Variants in LPIN1 observed in about 807,000 individuals in gnomAD.
LPIN1 encodes lipin 1.
In LPIN1, 71 loss-of-function variants were observed where a neutral mutation model predicts 107.5. The ratio of observed to expected loss-of-function variants is 0.66; its 90% CI spans 0.55 to 0.80. The LOEUF (loss-of-function observed/expected upper bound fraction) is 0.80, where lower values mean the gene tolerates loss of function less well. LPIN1 is among the 30% of genes least tolerant of loss of function. The pLI, the probability that LPIN1 is intolerant of heterozygous loss-of-function variation, is 0.00. For synonymous variants in LPIN1, 445 were observed against 452.6 expected (o/e 0.98, Z 0.21); for missense variants, 1,043 against 1,160.6 (o/e 0.90, Z 1.47).
At chr2:11,720,934 C>T (rs1464913991), upstream of LPIN1, among the ~76,000 whole-genome samples, 3 of 151,938 alleles carry the variant, frequency 2.0e-5, no homozygotes, top group African/African-American at 7.3e-5. Context: ...AATGTTAGGA[C>T]AGGGCGAGTC....
upstream of LPIN1, among the ~76,000 whole-genome samples, chr2:11,721,428 G>A (rs1664138562): frequency 6.6e-6 from 1 of 152,062 alleles, no homozygotes; most frequent in African/African-American, 2.4e-5. Flanking sequence ...TCACTGTCCA[G>A]TGTAAGGACC....
rs896305952 is a variant in LPIN1, at chr2:11,803,671, C to G, written c.2013+638C>G. On this transcript the variant is annotated intron_variant, in intron 15 of 20. Coordinates refer to ENST00000674199, the MANE Select transcript of LPIN1 (RefSeq NM_001349206.2). This position sits in a 1 kb window ranked among gnomAD's most constrained non-coding sequence, Gnocchi z 4.2. ...TTACTAGGAAAAGATAAGGAAGAGG[C>G]CCAGACACCCACTCAGGCCATGTGT... Among the ~76,000 whole-genome samples, 2 of 152,070 alleles carry G rather than the reference C, an allele frequency of 1.3e-5. No individual in the cohort carries two copies. Among genetic ancestry groups the G allele is most frequent in the Admixed American group, 1.3e-4 (2 of 15,264 alleles).
intron 1 of LPIN1, among the ~76,000 whole-genome samples, chr2:11,705,079 C>T (rs1339557664): frequency 6.6e-6 from 1 of 152,192 alleles, no homozygotes. Flanking sequence ...GAGATCAATA[C>T]CACCTTCATC....
intron 14 of LPIN1, among the ~76,000 whole-genome samples, chr2:11,797,718 G>A (rs374900196): frequency 6.6e-6 from 1 of 152,212 alleles, no homozygotes; most frequent in Non-Finnish European, 1.5e-5. Flanking sequence ...ACTTGCTTTT[G>A]ATTTTACTGG....
chr2:11,801,181 T>C (rs891616040), intron 14 of LPIN1, among the ~76,000 whole-genome samples: 1 of 152,208 alleles, frequency 6.6e-6, no homozygotes, highest in African/African-American at 2.4e-5. Flanking sequence ...ACAGCTATTA[T>C]GGAAAACAGT....
At chr2:11,810,385 GA>G (rs143882790) in intron 17 of LPIN1, among the ~76,000 whole-genome samples, 18,337 of 152,182 alleles carry the variant, frequency 0.12, 1,491 homozygotes, top group Middle Eastern at 0.2. Flanking sequence ...AAGTAGGAGC[GA>G]GAGGGGAGGC....
In LPIN1 at chr2:11,803,020, C is replaced by T; in HGVS notation, c.2000C>T (p.Thr667Ile). 6.2e-7 allele frequency: 1 copy of T among 1,612,586 alleles called. No individual in the cohort carries two copies. The highest frequency in any genetic ancestry group is 8.5e-7 in the Non-Finnish European group (1 of 1,180,032). ...NVSYKKTLRL[T>I]SEQLKSLKLK... Reference sequence around the variant, plus strand: ...AGCTACAAGAAGACTCTCCGGCTGACTTCCGAGCAGCTTGTGAGTCTCCCA... The same window carrying T: ...AGCTACAAGAAGACTCTCCGGCTGATTTCCGAGCAGCTTGTGAGTCTCCCA... Residue 667 changes from threonine to isoleucine, a missense_variant, in exon 15 of 21, where the codon ACT (threonine) becomes ATT (isoleucine). Physicochemically the swap from Thr to Ile is moderately conservative, Grantham distance 89. Transcript: ENST00000674199. The surrounding 1 kb of genome is among the most constrained non-coding windows in gnomAD (Gnocchi z 4.2).
intron 7 of LPIN1, among the ~76,000 whole-genome samples, chr2:11,781,618 G>T (rs1403626308): frequency 6.6e-6 from 1 of 152,130 alleles, no homozygotes; most frequent in African/African-American, 2.4e-5. Context: ...CATGTTTTGG[G>T]AATAAACTTT....
At chr2:11,686,574 C>G (rs1295318107) in intron 1 of LPIN1, among the ~76,000 whole-genome samples, 1 of 152,076 alleles carries the variant, frequency 6.6e-6, no homozygotes, top group East Asian at 1.9e-4. Context: ...GGGTTGTCCT[C>G]GTTTAAAGGG....
At chr2:11,730,670 G>C (rs1032388396) in intron 1 of LPIN1, among the ~76,000 whole-genome samples, 1 of 152,110 alleles carries the variant, frequency 6.6e-6, no homozygotes, top group Non-Finnish European at 1.5e-5. Flanking sequence ...CTACGGGTAG[G>C]CTTTTGCTGT....
rs775695814 is a variant in LPIN1, at chr2:11,805,151, G to A, written c.2244G>A (p.Val748=). 1 of 1,612,840 alleles carries A rather than the reference G, an allele frequency of 6.2e-7. No individual in the cohort carries two copies. Among genetic ancestry groups the A allele is most frequent in the East Asian group, 2.2e-5 (1 of 44,878 alleles). The change falls in exon 17 of 21, where the codon GTG becomes GTA. Residue 748 remains valine (V), a synonymous_variant. Coordinates refer to ENST00000674199, the MANE Select transcript of LPIN1 (RefSeq NM_001349206.2). ...HQGIAKLYHK[V]SQNGYKFLYC... ...GCATCGCTAAGCTGTACCATAAAGT[G>A]AGCCAGTGAGTACAGAGTTCCTGTT...
chr2:11,760,805 T>C (rs1371580169), intron 1 of LPIN1, among the ~76,000 whole-genome samples: 1 of 152,188 alleles, frequency 6.6e-6, no homozygotes, highest in Non-Finnish European at 1.5e-5. Flanking sequence ...AGTTCGTAGA[T>C]GTGCTGGCCT....
chr2:11,721,261 T>TGC (rs1284724929), upstream of LPIN1, among the ~76,000 whole-genome samples: 46 of 127,862 alleles, frequency 3.6e-4, 1 homozygote, highest in African/African-American at 1.2e-3. Flanking sequence ...CTGTACTGCA[T>TGC]GCGTGTGTGT....
chr2:11,701,625 T>C (rs1009723390), intron 1 of LPIN1, among the ~76,000 whole-genome samples: 1 of 152,270 alleles, frequency 6.6e-6, no homozygotes, highest in African/African-American at 2.4e-5. Context: ...GTTTCTATAC[T>C]AAGTACTTTA....
At chr2:11,741,601 T>TA (rs1007087475), upstream of LPIN1, among the ~76,000 whole-genome samples, 55 of 151,694 alleles carry the variant, frequency 3.6e-4, no homozygotes, top group Middle Eastern at 3.4e-3. Flanking sequence ...CCTGTCTCTA[T>TA]AAAAAAATAC....
At chr2:11,699,949 T>A (rs1362791301) in intron 1 of LPIN1, among the ~76,000 whole-genome samples, 3 of 151,594 alleles carry the variant, frequency 2.0e-5, no homozygotes, top group African/African-American at 4.9e-5. Context: ...AAAAAAAAAA[T>A]GGGATGTAAT....
In LPIN1 at chr2:11,774,552, G is replaced by C. The variant is rs1672357472; in HGVS notation, c.722+807G>C. 6.6e-6 allele frequency among the ~76,000 whole-genome samples: 1 copy of C among 152,170 alleles called. No individual in the cohort carries two copies. The highest frequency in any genetic ancestry group is 1.5e-5 in the Non-Finnish European group (1 of 68,038). ...ATGTTGATAATGAAAAAGAGACTGA[G>C]AAACGCTGATCTAAATGCCAGTGAC... On this transcript the variant is annotated intron_variant, in intron 5 of 20. Transcript: ENST00000674199. This position sits in a 1 kb window ranked among gnomAD's most constrained non-coding sequence, Gnocchi z 4.4.
chr2:11,687,696 C>T (rs1662077841), intron 1 of LPIN1, among the ~76,000 whole-genome samples: 1 of 152,358 alleles, frequency 6.6e-6, no homozygotes, highest in Middle Eastern at 3.4e-3. Context: ...TAGGGCTGTC[C>T]ATAGACTGCG....
intron 1 of LPIN1, among the ~76,000 whole-genome samples, chr2:11,690,366 A>G (rs550344268): frequency 9.2e-5 from 14 of 152,350 alleles, no homozygotes; most frequent in African/African-American, 3.4e-4. Context: ...TTAAAAAAGC[A>G]TTAGTCTTCC....
Sources: gnomAD v4.1 joint callset for allele counts (sites outside exome capture counted in the v4.1 genomes callset) on GRCh38, gnomAD v4.1.1 for gene constraint, Gnocchi (gnomAD v3.1) non-coding constraint, MANE v1.5 for transcripts, NCBI Gene and HGNC (gene_info 2026-07-23, HGNC 2026-07-21) for gene names.